Variants in IL23R observed in about 807,000 individuals in gnomAD.
IL23R encodes interleukin 23 receptor, also known as interleukin-23 receptor.
Under a neutral mutation model 56.9 loss-of-function variants are expected in IL23R, and 34 were observed. The ratio of observed to expected loss-of-function variants is 0.60; its 90% CI spans 0.45 to 0.80. The LOEUF is 0.80. Among genes scored for constraint, IL23R ranks in the 30% least tolerant of loss-of-function variants. IL23R has a pLI of 0.00. For missense variants in IL23R, 635 were observed against 730.0 expected (o/e 0.87, Z 1.50); for synonymous variants, 230 against 249.2 (o/e 0.92, Z 0.73).
At chr1:67,160,643 AT>A (rs1440966547) in intron 1 of IL23R, among the ~76,000 whole-genome samples, 6 of 152,222 alleles carry the variant, frequency 3.9e-5, no homozygotes, top group African/African-American at 1.4e-4. Flanking sequence ...AAACAGAATG[AT>A]GGGTGTGCAC....
intron 6 of IL23R, among the ~76,000 whole-genome samples, chr1:67,216,184 A>G (rs868244746): frequency 4.6e-5 from 7 of 152,204 alleles, no homozygotes; most frequent in African/African-American, 1.7e-4. Context: ...CATTTGCCAC[A>G]TTGTATATAC....
chr1:67,224,003 A>T (rs1210624664), intron 7 of IL23R, among the ~76,000 whole-genome samples: 1 of 152,158 alleles, frequency 6.6e-6, no homozygotes, highest in Non-Finnish European at 1.5e-5. Flanking sequence ...ATTGCTTTTT[A>T]AAAAGGGACC....
chr1:67,241,357 A>G lies in IL23R; in HGVS notation c.1148+1076A>G, dbSNP rs143441579. On this transcript the variant is annotated intron_variant, in intron 9 of 10. Coordinates refer to ENST00000347310, the MANE Select transcript of IL23R (RefSeq NM_144701.3). ...CAAAACCTGGTCTGTTCTAGGATCTATGTGTTTCCTTAAAGTCTTAGTTTG... is the reference window on the plus strand; with the variant it reads ...CAAAACCTGGTCTGTTCTAGGATCTGTGTGTTTCCTTAAAGTCTTAGTTTG... 1.2e-3 allele frequency among the ~76,000 whole-genome samples: 188 copies of G among 152,302 alleles called. 1 individual carries two copies. The highest frequency in any genetic ancestry group is 4.4e-3 in the African/African-American group (182 of 41,568).
At chr1:67,260,572 G>A (rs1365611930), downstream of IL23R, among the ~76,000 whole-genome samples, 1 of 152,052 alleles carries the variant, frequency 6.6e-6, no homozygotes. Flanking sequence ...CAATCCATAA[G>A]GACTGGAGTA....
intron 9 of IL23R, among the ~76,000 whole-genome samples, chr1:67,254,495 T>C (rs1309706181): frequency 6.6e-6 from 1 of 152,026 alleles, no homozygotes. Context: ...ACTAATTTGG[T>C]CTAATTTTAA....
intron 6 of IL23R, among the ~76,000 whole-genome samples, chr1:67,209,507 T>G (rs1649312441): frequency 6.6e-6 from 1 of 152,186 alleles, no homozygotes; most frequent in Admixed American, 6.5e-5. Context: ...TCTGATGCAT[T>G]TATCAGGGGT....
In IL23R at chr1:67,258,510, T is replaced by C. The variant is rs1369945281; in HGVS notation, c.1272T>C (p.Ser424=). The C allele has an allele frequency of 8.1e-6, 13 of 1,598,128 alleles. No homozygotes were observed. Among genetic ancestry groups the C allele is most frequent in the Non-Finnish European group, 8.5e-6 (10 of 1,172,984 alleles). ...GTGAACTTATGAATAATAATTCCAG[T>C]GAGCAGGTCCTATATGTTGATCCCA... is the stretch of plus-strand genomic sequence containing the variant. ...ENSELMNNNS[S]EQVLYVDPMI... The change falls in exon 11 of 11, where the codon AGT becomes AGC. Residue 424 remains serine (S), a synonymous_variant. Transcript: ENST00000347310.
At chr1:67,150,248 C>CTTT (rs552806817) in intron 1 of IL23R, among the ~76,000 whole-genome samples, 27 of 110,252 alleles carry the variant, frequency 2.4e-4, no homozygotes, top group South Asian at 3.3e-4. Flanking sequence ...GCATTTCGAA[C>CTTT]TTTTTTTTTT....
intron 7 of IL23R, among the ~76,000 whole-genome samples, chr1:67,225,260 G>A (rs979017177): frequency 1.3e-5 from 2 of 152,214 alleles, no homozygotes; most frequent in African/African-American, 2.4e-5. Context: ...ACTTTGGCTT[G>A]AATACAAGAT....
chr1:67,245,274 T>A (rs2100346967), intron 9 of IL23R, among the ~76,000 whole-genome samples: 1 of 152,334 alleles, frequency 6.6e-6, no homozygotes, highest in Non-Finnish European at 1.5e-5. Context: ...TTTGACATCC[T>A]CTTTTCCTAA....
intron 3 of IL23R, among the ~76,000 whole-genome samples, chr1:67,173,197 C>G (rs1646965250): frequency 6.6e-6 from 1 of 152,130 alleles, no homozygotes; most frequent in Admixed American, 6.6e-5. Context: ...GGCAATGAGG[C>G]CTAACAACAA....
intron 4 of IL23R, among the ~76,000 whole-genome samples, chr1:67,191,118 C>T (rs1197646658): frequency 6.6e-6 from 1 of 152,166 alleles, no homozygotes; most frequent in East Asian, 1.9e-4. Context: ...CTAACCTCAA[C>T]TGGGCCCGGA....
chr1:67,179,498 G>A (rs1570789456), intron 3 of IL23R, among the ~76,000 whole-genome samples: 1 of 151,818 alleles, frequency 6.6e-6, no homozygotes. Flanking sequence ...TCTGTTTGAT[G>A]CTTCTCTCTT....
chr1:67,233,646 T>A (rs1364419351), intron 7 of IL23R, among the ~76,000 whole-genome samples: 1 of 152,210 alleles, frequency 6.6e-6, no homozygotes, highest in Non-Finnish European at 1.5e-5. Context: ...AGGCACATTG[T>A]CTTCTTGTAA....
intron 1 of IL23R, among the ~76,000 whole-genome samples, chr1:67,149,253 G>A (rs1377587412): frequency 6.6e-6 from 1 of 152,126 alleles, no homozygotes; most frequent in Non-Finnish European, 1.5e-5. Context: ...ACTCTTTCTT[G>A]TGGCAGAAAG....
chr1:67,255,968 G>T, intron 10 of IL23R, 41 bp downstream of exon 10: 2 of 1,040,660 alleles, frequency 1.9e-6, no homozygotes, highest in South Asian at 2.5e-5. Context: ...TGGCAATTGA[G>T]ACCAAGAGTG....
chr1:67,173,798 A>T (rs1366936579), intron 3 of IL23R, among the ~76,000 whole-genome samples: 1 of 152,206 alleles, frequency 6.6e-6, no homozygotes, highest in African/African-American at 2.4e-5. Context: ...CCATAAAACC[A>T]TAACTTTACT....
At chr1:67,193,717 T>C (rs1647914316) in intron 4 of IL23R, among the ~76,000 whole-genome samples, 1 of 152,230 alleles carries the variant, frequency 6.6e-6, no homozygotes, top group African/African-American at 2.4e-5. Flanking sequence ...TCCTTTCTAC[T>C]CTCAACAGCA....
Position 67,219,623 on chromosome 1 carries a change from A to C in IL23R, c.848A>C (p.Tyr283Ser). 6.2e-7 allele frequency: 1 copy of C among 1,614,090 alleles called. No homozygotes were observed. The highest frequency in any genetic ancestry group is 8.5e-7 in the Non-Finnish European group (1 of 1,179,922). The change falls in exon 7 of 11, where the codon TAC (tyrosine) becomes TCC (serine). Residue 283 changes from tyrosine (Y) to serine (S), a missense_variant. Physicochemically the swap from Tyr to Ser is moderately radical, Grantham distance 144. Transcript: ENST00000347310. ...ACATATGTGCAACAGTCAGAATTCT[A>C]CTTGGAGCCAAACATTAAGTACGTA... is the stretch of plus-strand genomic sequence containing the variant. ...NFTYVQQSEF[Y>S]LEPNIKYVFQ...
Sources: gnomAD v4.1 joint callset for allele counts (sites outside exome capture counted in the v4.1 genomes callset) on GRCh38, gnomAD v4.1.1 for gene constraint, MANE v1.5 for transcripts, NCBI Gene and HGNC (gene_info 2026-07-23, HGNC 2026-07-21) for gene names.